The following MAPK10 variants were observed in gnomAD, a reference collection of about 807,000 sequenced individuals.
MAPK10 encodes JNK3 alpha protein kinase.
A neutral mutation model predicts 59.3 loss-of-function variants in MAPK10; 25 were observed. The observed-to-expected ratio is 0.42, with a 90% CI of 0.31 to 0.59. The LOEUF (loss-of-function observed/expected upper bound fraction) is 0.59. Ranked by LOEUF, MAPK10 falls within the 20% of genes least tolerant of loss-of-function variation. The pLI, the probability that MAPK10 is intolerant of heterozygous loss-of-function variation, is 0.15. For synonymous variants in MAPK10, 190 were observed against 200.5 expected, an observed-to-expected ratio of 0.95 and a Z score of 0.44; for missense variants, 351 against 568.9, an observed-to-expected ratio of 0.62 and a Z score of 3.90.
At chr4:86,113,722 G>A (rs1022059678) in intron 4 of MAPK10, among the ~76,000 whole-genome samples, 4 of 152,068 alleles carry the variant, frequency 2.6e-5, no homozygotes, top group Non-Finnish European at 2.9e-5. Context: ...GTATCTCACC[G>A]GGGTTCTTTG....
chr4:86,389,007 T>C (rs886950400), intron 1 of MAPK10, among the ~76,000 whole-genome samples: 2 of 152,206 alleles, frequency 1.3e-5, no homozygotes, highest in African/African-American at 2.4e-5. Context: ...TGGTTCAGAT[T>C]TGTGTCCCCA....
Position 86,103,241 on chromosome 4 carries a change from T to A in MAPK10, c.370A>T (p.Ile124Phe). 1 of 1,556,716 alleles carries A rather than the reference T, an allele frequency of 6.4e-7. No individual in the cohort carries two copies. Among genetic ancestry groups the A allele is most frequent in the Non-Finnish European group, 8.9e-7 (1 of 1,127,656 alleles). Residue 124 changes from isoleucine (I) to phenylalanine (F), a missense_variant, in exon 6 of 14, where the codon ATT becomes TTT. Ile to Phe is a conservative substitution (Grantham distance 21). Transcript: ENST00000641462. ...LMKCVNHKNI[I>F]SLLNVFTPQK... is the part of the protein sequence containing the mutation. ...GGTGTGAAGACATTTAATAAACTAA[T>A]AATCTGAAAGAGAGTGGAAGGGACA...
Position 86,513,918 on chromosome 4 carries a change from G to A in MAPK10, c.-263+79992C>T, listed in dbSNP as rs977896938. Among the ~76,000 whole-genome samples, 3 of 152,050 alleles carry A rather than the reference G, an allele frequency of 2.0e-5. No homozygotes were observed. In the East Asian group the frequency reaches 5.8e-4, roughly 29 times the overall value. ...TCCTAAGCTCCCTTGTTGCTCAAAT[G>A]TGGCTAAAAATGTTCTGATACTGAC... On this transcript the variant is annotated intron_variant, in intron 1 of 4. Coordinates refer to the MAPK10 transcript ENST00000502302.
At chr4:86,065,478 CTATT>C (rs1203988982) in intron 10 of MAPK10, 6 of 152,020 alleles carry the variant, frequency 3.9e-5, no homozygotes, top group South Asian at 2.1e-4. Flanking sequence ...ATGGTGATAG[CTATT>C]TATTTAGTAA....
intron 2 of MAPK10, among the ~76,000 whole-genome samples, chr4:86,344,880 T>C (rs1005975038): frequency 1.3e-5 from 2 of 152,200 alleles, no homozygotes; most frequent in Non-Finnish European, 2.9e-5. Flanking sequence ...ATTTCTCTTA[T>C]AAGTAAATTA....
chr4:86,319,584 A>G (rs1298125150), intron 2 of MAPK10, among the ~76,000 whole-genome samples: 4 of 152,122 alleles, frequency 2.6e-5, no homozygotes, highest in Non-Finnish European at 4.4e-5. Flanking sequence ...GCTGCAGTGG[A>G]CAGTTCCAAA....
chr4:86,284,248 A>G (rs1426124144), intron 2 of MAPK10, among the ~76,000 whole-genome samples: 3 of 152,230 alleles, frequency 2.0e-5, no homozygotes, highest in African/African-American at 7.2e-5. Context: ...AGAGTTAAGT[A>G]ATTTGCCCAA....
intron 1 of MAPK10, among the ~76,000 whole-genome samples, chr4:86,430,921 C>T (rs1238310017): frequency 2.6e-5 from 4 of 152,070 alleles, no homozygotes; most frequent in Non-Finnish European, 4.4e-5. Flanking sequence ...GTGAAATATT[C>T]GTATGCTTTT....
chr4:86,122,248 T>C (rs1360941409), intron 4 of MAPK10, among the ~76,000 whole-genome samples: 1 of 152,172 alleles, frequency 6.6e-6, no homozygotes, highest in Non-Finnish European at 1.5e-5. Flanking sequence ...TTCCCAGGCA[T>C]TTATCTGCTA....
chr4:86,412,749 A>G (rs865843688), intron 1 of MAPK10, among the ~76,000 whole-genome samples: 1 of 152,170 alleles, frequency 6.6e-6, no homozygotes, highest in East Asian at 1.9e-4. Flanking sequence ...TTTCAACTCC[A>G]TCGGGTCATT....
At chr4:86,172,002 T>G (rs1193644812) in intron 3 of MAPK10, among the ~76,000 whole-genome samples, 1 of 145,834 alleles carries the variant, frequency 6.9e-6, no homozygotes, top group African/African-American at 2.7e-5. Context: ...ATCAGAGAAA[T>G]GCAAATCAAA....
intron 1 of MAPK10, among the ~76,000 whole-genome samples, chr4:86,475,179 C>T (rs111687519): frequency 0.23 from 35,253 of 152,050 alleles, 5,037 homozygotes; most frequent in Admixed American, 0.31. Flanking sequence ...AGCTTTATTG[C>T]TCACACAAAG....
intron 1 of MAPK10, among the ~76,000 whole-genome samples, chr4:86,583,588 T>G (rs1762456386): frequency 6.6e-6 from 1 of 152,170 alleles, no homozygotes; most frequent in African/African-American, 2.4e-5. Context: ...TGTTATGACT[T>G]TAAGAGGAAG....
chr4:86,157,654 AT>A (rs2068228557), intron 4 of MAPK10, among the ~76,000 whole-genome samples: 1 of 151,998 alleles, frequency 6.6e-6, no homozygotes. Context: ...CAAAGGCAAT[AT>A]AAAAAATTTT....
At chr4:86,153,681 G>GA (rs886760508) in intron 4 of MAPK10, among the ~76,000 whole-genome samples, 3 of 151,652 alleles carry the variant, frequency 2.0e-5, no homozygotes, top group South Asian at 4.2e-4. Flanking sequence ...CTTCGTAAAG[G>GA]AAAAAAAATG....
chr4:86,194,917 C>G (rs2080936904), intron 2 of MAPK10, among the ~76,000 whole-genome samples: 1 of 151,646 alleles, frequency 6.6e-6, no homozygotes, highest in Non-Finnish European at 1.5e-5. Flanking sequence ...CAGTTTGTAA[C>G]AGATATAAGG....
chr4:86,107,444 T>A (rs1349393724), intron 4 of MAPK10, 92 bp from the exon 5 acceptor site: 1 of 1,496,726 alleles, frequency 6.7e-7, no homozygotes, highest in Non-Finnish European at 8.9e-7. Context: ...AAGAAAATGC[T>A]ATTTCGGAAT....
At chr4:86,214,147 G>C (rs1582952384) in intron 2 of MAPK10, among the ~76,000 whole-genome samples, 1 of 151,974 alleles carries the variant, frequency 6.6e-6, no homozygotes, top group Non-Finnish European at 1.5e-5. Flanking sequence ...TATTTCAATT[G>C]ATACAGAAAA....
rs150233321 is a variant in MAPK10, at chr4:86,412,549, G to T, written c.-122+40481C>A. 3.9e-3 allele frequency among the ~76,000 whole-genome samples: 598 copies of T among 152,308 alleles called. 3 individuals are homozygous for T. Among genetic ancestry groups the T allele is most frequent in the African/African-American group, 0.014 (568 of 41,570 alleles). ...CTTTCTGGTACACCAATCAAACGTA[G>T]ATTTAGTCTTTTCACATAGTCCCAT... is the stretch of plus-strand genomic sequence containing the variant. On this transcript the variant is annotated intron_variant, in intron 1 of 13. Transcript: ENST00000361569.
Sources: allele counts gnomAD v4.1 joint callset (sites outside exome capture counted in the v4.1 genomes callset), GRCh38; gene constraint gnomAD v4.1.1; transcripts MANE v1.5; gene names NCBI Gene and HGNC (gene_info 2026-07-23, HGNC 2026-07-21).